The following LHFPL3 variants were observed in gnomAD, a reference collection of about 807,000 sequenced individuals.
LHFPL3 encodes the protein LHFPL tetraspan subfamily member 3.
In LHFPL3, 5 loss-of-function variants were observed where a neutral mutation model predicts 19.3. The observed-to-expected ratio is 0.26, with a 90% CI of 0.14 to 0.54. LHFPL3 has a LOEUF of 0.54. Among genes scored for constraint, LHFPL3 ranks in the 20% least tolerant of loss-of-function variants. The probability of loss-of-function intolerance (pLI) is 0.94; values close to 1 mark genes in which losing one functional copy is unlikely to be tolerated. For missense variants in LHFPL3, 249 were observed against 307.4 expected (o/e 0.81, Z 1.42); for synonymous variants, 133 against 126.2 (o/e 1.05, Z -0.36).
chr7:104,526,647 T>A (rs1005481898), intron 1 of LHFPL3, among the ~76,000 whole-genome samples: 1 of 152,226 alleles, frequency 6.6e-6, no homozygotes, highest in African/African-American at 2.4e-5. Context: ...ACTTAAGAAA[T>A]GTTACCCAGA....
intron 1 of LHFPL3, among the ~76,000 whole-genome samples, chr7:104,615,307 C>T (rs775930624): frequency 1.6e-4 from 25 of 152,130 alleles, no homozygotes; most frequent in Non-Finnish European, 3.5e-4. Flanking sequence ...TATTGTTTTC[C>T]CTCAAAAATA....
At chr7:104,591,273 A>C (rs1790716643) in intron 1 of LHFPL3, among the ~76,000 whole-genome samples, 1 of 152,142 alleles carries the variant, frequency 6.6e-6, no homozygotes, top group Admixed American at 6.5e-5. Context: ...TTCCATGTTT[A>C]GTGCTTCCTT....
chr7:104,548,349 C>T (rs548817768), intron 1 of LHFPL3, among the ~76,000 whole-genome samples: 25 of 152,142 alleles, frequency 1.6e-4, no homozygotes, highest in African/African-American at 6.0e-4. Context: ...GAGTAAACAG[C>T]AATCCATATA....
chr7:104,398,078 A>G (rs1381544083), intron 1 of LHFPL3, among the ~76,000 whole-genome samples: 2 of 140,116 alleles, frequency 1.4e-5, no homozygotes, highest in African/African-American at 2.6e-5. Flanking sequence ...TTTTTTTTGT[A>G]AGTCTCTACA....
intron 1 of LHFPL3, among the ~76,000 whole-genome samples, chr7:104,385,768 A>G (rs1375584521): frequency 6.6e-6 from 1 of 152,210 alleles, no homozygotes; most frequent in Non-Finnish European, 1.5e-5. Context: ...TGTGGACTAT[A>G]AATGTTTCTA....
At chr7:104,706,279 C>T (rs1793188989) in intron 1 of LHFPL3, among the ~76,000 whole-genome samples, 1 of 145,406 alleles carries the variant, frequency 6.9e-6, no homozygotes, top group Non-Finnish European at 1.5e-5. Context: ...TGCTGCCAGC[C>T]AGTGTCACCA....
intron 1 of LHFPL3, among the ~76,000 whole-genome samples, chr7:104,506,116 A>C (rs906871158): frequency 1.3e-5 from 2 of 151,838 alleles, no homozygotes; most frequent in Non-Finnish European, 2.9e-5. Context: ...TCCTGAGTTC[A>C]AGTGATTCTC....
At chr7:104,560,046 G>A (rs1452005286) in intron 1 of LHFPL3, among the ~76,000 whole-genome samples, 4 of 148,194 alleles carry the variant, frequency 2.7e-5, no homozygotes, top group African/African-American at 5.1e-5. Context: ...GATCATGGTG[G>A]ATAAGCTTTT....
intron 1 of LHFPL3, among the ~76,000 whole-genome samples, chr7:104,467,973 A>G (rs142398059): frequency 6.6e-6 from 1 of 152,260 alleles, no homozygotes; most frequent in African/African-American, 2.4e-5. Context: ...TTAGGTCTTT[A>G]TCTGGCTCTA....
intron 1 of LHFPL3, among the ~76,000 whole-genome samples, chr7:104,521,433 G>T (rs1046076634): frequency 6.6e-6 from 1 of 152,144 alleles, no homozygotes; most frequent in African/African-American, 2.4e-5. Context: ...TGTTGATTTG[G>T]GGTGGAGAGT....
intron 1 of LHFPL3, among the ~76,000 whole-genome samples, chr7:104,357,302 C>T (rs1790298627): frequency 6.6e-6 from 1 of 152,166 alleles, no homozygotes; most frequent in Admixed American, 6.5e-5. Context: ...CTTGACAAGT[C>T]ACGTGCAATT....
chr7:104,848,239 T>C (rs1189590640), intron 2 of LHFPL3, among the ~76,000 whole-genome samples: 1 of 152,152 alleles, frequency 6.6e-6, no homozygotes, highest in Non-Finnish European at 1.5e-5. Context: ...AAGATGACAA[T>C]CCACCATGTC....
chr7:104,730,657 A>C (rs1344990009), intron 1 of LHFPL3, among the ~76,000 whole-genome samples: 1 of 152,100 alleles, frequency 6.6e-6, no homozygotes, highest in Non-Finnish European at 1.5e-5. Flanking sequence ...CCTTTGTCAG[A>C]TGAGTAGATT....
chr7:104,735,356 G>C (rs1793790622), intron 1 of LHFPL3, among the ~76,000 whole-genome samples: 1 of 152,240 alleles, frequency 6.6e-6, no homozygotes, highest in African/African-American at 2.4e-5. Context: ...GAGCTGCGGT[G>C]GGCTCCACCC....
At chr7:104,777,804 G>A (rs776425909) in intron 2 of LHFPL3, among the ~76,000 whole-genome samples, 7 of 151,428 alleles carry the variant, frequency 4.6e-5, no homozygotes, top group Non-Finnish European at 1.0e-4. Flanking sequence ...CTGAAGATAA[G>A]AGTTTGAATG....
In LHFPL3 at chr7:104,741,795, C is replaced by T. The variant is rs189296449; in HGVS notation, c.682+4884C>T. On this transcript the variant is annotated intron_variant, in intron 2 of 2. Transcript: ENST00000424859. ...CCGGTTTCAAGGGATCCTCCTGCCT[C>T]GGCCTCCCAAAGCAGCAGGATTACA... is the stretch of plus-strand genomic sequence containing the variant. Among the ~76,000 whole-genome samples the T allele has an allele frequency of 9.2e-5, 14 of 152,204 alleles. No individual in the cohort carries two copies. The East Asian group carries it at 2.3e-3, about 25-fold the overall frequency.
chr7:104,680,878 T>A (rs1431176119), intron 1 of LHFPL3, among the ~76,000 whole-genome samples: 1 of 152,188 alleles, frequency 6.6e-6, no homozygotes, highest in Non-Finnish European at 1.5e-5. Flanking sequence ...AAAGGAAACA[T>A]CTAAAGGAGG....
chr7:104,719,244 A>G (rs149797593), intron 1 of LHFPL3, among the ~76,000 whole-genome samples: 1,794 of 152,304 alleles, frequency 0.012, 33 homozygotes, highest in African/African-American at 0.04. Flanking sequence ...AAGTAGCCAT[A>G]TATATAAATT....
intron 1 of LHFPL3, among the ~76,000 whole-genome samples, chr7:104,723,442 C>A (rs373834449): frequency 8.7e-4 from 132 of 152,234 alleles, no homozygotes; most frequent in African/African-American, 2.9e-3. Flanking sequence ...GTTCTCTCAG[C>A]CCAGTGCAGT....
Sources: gnomAD v4.1 joint callset for allele counts (sites outside exome capture counted in the v4.1 genomes callset) on GRCh38, gnomAD v4.1.1 for gene constraint, MANE v1.5 for transcripts, NCBI Gene and HGNC (gene_info 2026-07-23, HGNC 2026-07-21) for gene names.